Variants in MAGI1 observed in about 807,000 individuals in gnomAD.
MAGI1 encodes the protein membrane associated guanylate kinase, WW and PDZ domain containing 1.
In MAGI1, 58 loss-of-function variants were observed where a neutral mutation model predicts 139.9. The observed-to-expected ratio is 0.41, with a 90% CI of 0.34 to 0.52. MAGI1 has a LOEUF of 0.52. Ranked by LOEUF, MAGI1 falls within the 20% of genes least tolerant of loss-of-function variation. The pLI, the probability that MAGI1 is intolerant of heterozygous loss-of-function variation, is 0.12. For missense variants in MAGI1, 1,874 were observed against 1,901.6 expected (o/e 0.99, Z 0.27); for synonymous variants, 812 against 737.9 (o/e 1.10, Z -1.63).
rs987165856 is a variant in MAGI1 at position 65,355,344 on chromosome 3, C to T, written c.*1034G>A. On this transcript the variant is annotated 3_prime_UTR_variant, in exon 23 of 23. Coordinates refer to ENST00000402939, the MANE Select transcript of MAGI1 (RefSeq NM_001033057.2). ...TAACAATGAATACCCACAGCCCTCACTTCTTTAAATATCAACAGAGAGGTT... is the reference window on the plus strand; with the variant it reads ...TAACAATGAATACCCACAGCCCTCATTTCTTTAAATATCAACAGAGAGGTT... 6.6e-6 allele frequency: 1 copy of T among 152,186 alleles called. No homozygotes were observed. Among genetic ancestry groups the T allele is most frequent in the African/African-American group, 2.4e-5 (1 of 41,444 alleles). 9.4% of individuals were successfully genotyped at this position (152,186 alleles called of 1,614,324 possible).
At chr3:65,995,578 G>A (rs1039447797) in intron 1 of MAGI1, among the ~76,000 whole-genome samples, 16 of 151,908 alleles carry the variant, frequency 1.1e-4, no homozygotes, top group Middle Eastern at 3.4e-3. Context: ...AATGTATCAC[G>A]AGGCCCCAAA....
chr3:65,434,201 C>T (rs115586067), intron 10 of MAGI1, among the ~76,000 whole-genome samples: 1 of 152,260 alleles, frequency 6.6e-6, no homozygotes, highest in African/African-American at 2.4e-5. Context: ...TACTAAACCT[C>T]TCTGCCTGAG....
chr3:65,745,141 C>T (rs772122103), intron 1 of MAGI1, among the ~76,000 whole-genome samples: 11 of 152,076 alleles, frequency 7.2e-5, no homozygotes, highest in South Asian at 6.2e-4. Flanking sequence ...AAACTATTTT[C>T]GCATATTAAA....
intron 3 of MAGI1, among the ~76,000 whole-genome samples, chr3:65,491,722 A>G (rs1952049054): frequency 7.0e-6 from 1 of 142,936 alleles, no homozygotes; most frequent in Non-Finnish European, 1.5e-5. Context: ...ATACACTCCT[A>G]GACCTCGATT....
intron 1 of MAGI1, among the ~76,000 whole-genome samples, chr3:65,868,718 T>G (rs1238643286): frequency 6.6e-6 from 1 of 152,096 alleles, no homozygotes; most frequent in East Asian, 1.9e-4. Context: ...AGGGCAAGGG[T>G]GACAAGAACC....
At chr3:65,577,925 C>A (rs2081244941) in intron 2 of MAGI1, among the ~76,000 whole-genome samples, 1 of 152,192 alleles carries the variant, frequency 6.6e-6, no homozygotes, top group South Asian at 2.1e-4. Context: ...TGTTTGTGGT[C>A]TGTCTCTGTC....
At chr3:65,674,975 A>G (rs775325052) in intron 1 of MAGI1, among the ~76,000 whole-genome samples, 14 of 152,128 alleles carry the variant, frequency 9.2e-5, no homozygotes, top group Admixed American at 3.9e-4. Context: ...GACAGGAGAG[A>G]GGGCTCCATT....
At chr3:65,821,351 T>C (rs534116487) in intron 1 of MAGI1, among the ~76,000 whole-genome samples, 18 of 152,274 alleles carry the variant, frequency 1.2e-4, no homozygotes, top group African/African-American at 4.3e-4. Flanking sequence ...CATATATGTT[T>C]ATGTGACTGG....
chr3:65,515,802 A>C (rs954504035), intron 2 of MAGI1, among the ~76,000 whole-genome samples: 1 of 152,214 alleles, frequency 6.6e-6, no homozygotes, highest in African/African-American at 2.4e-5. Flanking sequence ...CATATGGTCC[A>C]ATACTTTACA....
rs544448742 is a variant in MAGI1, at chr3:65,525,876, G to A, written c.431-32245C>T. Among the ~76,000 whole-genome samples the A allele has an allele frequency of 5.7e-4, 86 of 152,186 alleles. 1 individual carries two copies. Among genetic ancestry groups the A allele is most frequent in the Non-Finnish European group, 4.6e-4 (31 of 68,024 alleles). Reference sequence around the variant, plus strand: ...TGAATACCCACTGTGTTCAATCAGCGTGCCCCATATAAGGGAGGCACACAT... The same window carrying A: ...TGAATACCCACTGTGTTCAATCAGCATGCCCCATATAAGGGAGGCACACAT... On this transcript the variant is annotated intron_variant, in intron 2 of 22. Transcript: ENST00000402939.
At chr3:65,635,721 T>C (rs1057232350) in intron 1 of MAGI1, among the ~76,000 whole-genome samples, 22 of 152,240 alleles carry the variant, frequency 1.4e-4, no homozygotes, top group African/African-American at 4.8e-4. Flanking sequence ...TGAACATCCA[T>C]AGTAATTAAC....
At chr3:65,843,787 C>G (rs2058889952) in intron 1 of MAGI1, 1 of 176,380 alleles carries the variant, frequency 5.7e-6, no homozygotes, top group Non-Finnish European at 1.2e-5. Flanking sequence ...AAGGTTTAAA[C>G]TTTTAGTCCA....
At chr3:65,369,653 C>T (rs1367441217) in intron 18 of MAGI1, among the ~76,000 whole-genome samples, 1 of 152,078 alleles carries the variant, frequency 6.6e-6, no homozygotes, top group Non-Finnish European at 1.5e-5. Context: ...GGACTACAGG[C>T]ACGCGCCACC....
intron 1 of MAGI1, among the ~76,000 whole-genome samples, chr3:65,628,222 C>T (rs929651475): frequency 4.6e-5 from 7 of 152,148 alleles, no homozygotes; most frequent in African/African-American, 7.2e-5. Context: ...TGTTTTCCCA[C>T]ACTTAGGCCA....
rs369386292 is a variant in MAGI1, at chr3:65,356,349, C to T, written c.*29G>A. 2 of 1,528,728 alleles carry T rather than the reference C, an allele frequency of 1.3e-6. No individual in the cohort carries two copies. The highest frequency in any genetic ancestry group is 1.7e-6 in the Non-Finnish European group (2 of 1,147,190). 94.7% of individuals were successfully genotyped at this position (1,528,728 alleles called of 1,614,324 possible). ...GACTTTCCTCTTAGAACCTTTGACA[C>T]GGTAAAGGTTGGAATGTGACTCAGC... On this transcript the variant is annotated 3_prime_UTR_variant, in exon 23 of 23. Coordinates refer to ENST00000402939, the MANE Select transcript of MAGI1 (RefSeq NM_001033057.2).
At chr3:65,851,523 C>A (rs1469994239) in intron 1 of MAGI1, among the ~76,000 whole-genome samples, 1 of 151,954 alleles carries the variant, frequency 6.6e-6, no homozygotes, top group African/African-American at 2.4e-5. Flanking sequence ...CCGAGGTGGG[C>A]GGATCACTTG....
At chr3:65,499,444 T>C (rs537131358) in intron 2 of MAGI1, among the ~76,000 whole-genome samples, 3 of 152,178 alleles carry the variant, frequency 2.0e-5, no homozygotes, top group Non-Finnish European at 1.5e-5. Context: ...GGTCAGGAGA[T>C]CGAGATCATC....
At chr3:65,787,157 T>C (rs1389439457) in intron 1 of MAGI1, among the ~76,000 whole-genome samples, 2 of 152,064 alleles carry the variant, frequency 1.3e-5, no homozygotes, top group African/African-American at 4.8e-5. Flanking sequence ...ACAAAAACTT[T>C]TACTCTAAGC....
intron 2 of MAGI1, among the ~76,000 whole-genome samples, chr3:65,530,757 GTATA>G (rs746807479): frequency 0.022 from 418 of 19,282 alleles, 43 homozygotes; most frequent in African/African-American, 0.058. Context: ...ATATATACAC[GTATA>G]TATATATATA....
Sources: gnomAD v4.1 joint callset for allele counts (sites outside exome capture counted in the v4.1 genomes callset) on GRCh38, gnomAD v4.1.1 for gene constraint, MANE v1.5 for transcripts, NCBI Gene and HGNC (gene_info 2026-07-23, HGNC 2026-07-21) for gene names.